CFDP1: variants seen among roughly 807,000 people sequenced by gnomAD.
CFDP1 encodes the protein heterochromatin-stabilizing protein CFDP1.
Under a neutral mutation model 40.1 loss-of-function variants are expected in CFDP1, and 31 were observed. The observed-to-expected ratio is 0.77, with a 90% CI of 0.58 to 1.04. CFDP1 has a LOEUF of 1.04. Ranked by LOEUF, CFDP1 falls within the 50% of genes least tolerant of loss-of-function variation. CFDP1 has a pLI of 0.00. For synonymous variants in CFDP1, 167 were observed against 120.0 expected, an observed-to-expected ratio of 1.39 and a Z score of -2.56; for missense variants, 423 against 343.4, an observed-to-expected ratio of 1.23 and a Z score of -1.83.
In CFDP1 at chr16:75,433,440, G is replaced by C. The variant is rs1459331442; in HGVS notation, c.-88C>G. 11 of 1,369,990 alleles carry C rather than the reference G, an allele frequency of 8.0e-6. No homozygotes were observed. The highest frequency in any genetic ancestry group is 2.0e-6 in the Non-Finnish European group (2 of 995,906). 84.9% of individuals were successfully genotyped at this position (1,369,990 alleles called of 1,614,324 possible). On this transcript the variant is annotated 5_prime_UTR_variant, in exon 1 of 7. Transcript: ENST00000283882. ...CTCTAGGGAGAGACCATAGAGCCCCGGCGGCGGCGACGGCAGCTAGGGCGG... is the reference window on the plus strand; with the variant it reads ...CTCTAGGGAGAGACCATAGAGCCCCCGCGGCGGCGACGGCAGCTAGGGCGG...
Position 75,412,723 on chromosome 16 carries a change from C to T in CFDP1, c.214G>A (p.Glu72Lys). ...GAATTGGCATCCTCCTCTTCCTCTT[C>T]TTCTAATGAGAGGCCACCTTGTCTT... ...KRRQGGLSLE[E>K]EEEEDANSES... The change falls in exon 3 of 7, where the codon GAA becomes AAA. Residue 72 changes from glutamate to lysine, a missense_variant. Transcript: ENST00000283882. 6.2e-7 allele frequency: 1 copy of T among 1,613,820 alleles called. No homozygotes were observed. Among genetic ancestry groups the T allele is most frequent in the South Asian group, 1.1e-5 (1 of 91,078 alleles).
chr16:75,293,874 A>T lies in CFDP1; in HGVS notation c.*78T>A. On this transcript the variant is annotated 3_prime_UTR_variant, in exon 7 of 7. Transcript: ENST00000283882. ...TGCTGGGAAACAGATGATGAGAAAC[A>T]CTGTAAAACATTTCACAGACGCACA... is the stretch of plus-strand genomic sequence containing the variant. 2 of 1,172,356 alleles carry T rather than the reference A, an allele frequency of 1.7e-6. No individual in the cohort carries two copies. 72.6% of individuals were successfully genotyped at this position (1,172,356 alleles called of 1,614,324 possible). A position where few individuals can be genotyped will look rare whatever the true frequency, so the allele number is the denominator to read the frequency against.
At chr16:75,424,397 G>C (rs1453800956) in intron 1 of CFDP1, among the ~76,000 whole-genome samples, 1 of 152,216 alleles carries the variant, frequency 6.6e-6, no homozygotes, top group Non-Finnish European at 1.5e-5. Flanking sequence ...CACGGCATCT[G>C]TGAAAAACCT....
At position 75,312,619 on chromosome 16, in the gene CFDP1, T is replaced by C. The variant is rs186642921; in HGVS notation, c.651-7437A>G. On this transcript the variant is annotated intron_variant, in intron 5 of 6. Transcript: ENST00000283882. ...GTCTAAAACATACCTATTTTAGTGA[T>C]AGAAGTCCTGAATTCTAGTATCTCC... Among the ~76,000 whole-genome samples the C allele has an allele frequency of 1.6e-3, 251 of 152,320 alleles. 2 individuals carry two copies. The South Asian group carries it at 0.022, about 13-fold the overall frequency.
rs569867920 is a variant in CFDP1, at chr16:75,317,673, T to C, written c.651-12491A>G. Among the ~76,000 whole-genome samples the C allele has an allele frequency of 8.8e-4, 134 of 152,254 alleles. 1 individual carries two copies. The highest frequency in any genetic ancestry group is 3.1e-3 in the African/African-American group (129 of 41,548). On this transcript the variant is annotated intron_variant, in intron 5 of 6. Coordinates refer to ENST00000283882, the MANE Select transcript of CFDP1 (RefSeq NM_006324.3). ...TAAATACAGCTTCTAACAAAGACCATAATGACAACTTTATGCAGAACCCTG... is the reference window on the plus strand; with the variant it reads ...TAAATACAGCTTCTAACAAAGACCACAATGACAACTTTATGCAGAACCCTG...
At chr16:75,325,958 C>A (rs1244765735) in intron 5 of CFDP1, among the ~76,000 whole-genome samples, 1 of 152,174 alleles carries the variant, frequency 6.6e-6, no homozygotes, top group Non-Finnish European at 1.5e-5. Context: ...CTCATGAGAG[C>A]CTGCAGAACG....
chr16:75,362,850 G>T (rs889615076), intron 5 of CFDP1: 2 of 152,158 alleles, frequency 1.3e-5, no homozygotes, highest in African/African-American at 4.8e-5. Flanking sequence ...AACCAGAAGC[G>T]AGAGCAGGAG....
intron 4 of CFDP1, among the ~76,000 whole-genome samples, chr16:75,403,938 C>A (rs2079077051): frequency 6.6e-6 from 1 of 151,892 alleles, no homozygotes; most frequent in African/African-American, 2.4e-5. Context: ...TGGAGACCAG[C>A]CTGGCCAACA....
intron 5 of CFDP1, among the ~76,000 whole-genome samples, chr16:75,392,458 A>C (rs1468417061): frequency 3.3e-5 from 5 of 152,218 alleles, no homozygotes; most frequent in Admixed American, 6.5e-5. Context: ...ACCAGGTATA[A>C]GCATATAAGT....
At chr16:75,412,811 C>A (rs914277020) in intron 2 of CFDP1, 57 bp from the exon 3 acceptor site, 4 of 1,363,088 alleles carry the variant, frequency 2.9e-6, no homozygotes, top group Non-Finnish European at 4.2e-6. Flanking sequence ...TTTCAGTTAT[C>A]CCTCTCCCAA....
At chr16:75,397,048 G>A (rs1233161171) in intron 4 of CFDP1, among the ~76,000 whole-genome samples, 1 of 152,012 alleles carries the variant, frequency 6.6e-6, no homozygotes, top group Non-Finnish European at 1.5e-5. Flanking sequence ...CAAGCAGCTG[G>A]GACTACGGGT....
intron 5 of CFDP1, among the ~76,000 whole-genome samples, chr16:75,370,204 T>C (rs1318625674): frequency 6.6e-6 from 1 of 152,052 alleles, no homozygotes; most frequent in Non-Finnish European, 1.5e-5. Context: ...GTGATTCTCC[T>C]GCCTTGGCCT....
intron 5 of CFDP1, chr16:75,321,951 G>T (rs2078366789): frequency 6.6e-6 from 1 of 152,226 alleles, no homozygotes; most frequent in African/African-American, 2.4e-5. Flanking sequence ...AGCCTCCCGA[G>T]TAGCTGGGAC....
At chr16:75,430,609 G>A (rs1453085923) in intron 1 of CFDP1, among the ~76,000 whole-genome samples, 1 of 151,720 alleles carries the variant, frequency 6.6e-6, no homozygotes, top group African/African-American at 2.4e-5. Context: ...GATTACAGGC[G>A]CCCGTCACCA....
At chr16:75,296,446 A>C (rs1190751968) in intron 6 of CFDP1, among the ~76,000 whole-genome samples, 1 of 147,756 alleles carries the variant, frequency 6.8e-6, no homozygotes, top group Non-Finnish European at 1.5e-5. Context: ...CATGTTGCCC[A>C]TGCTGGTCTC....
At chr16:75,423,750 G>C (rs1009421972) in intron 1 of CFDP1, among the ~76,000 whole-genome samples, 3 of 152,164 alleles carry the variant, frequency 2.0e-5, no homozygotes, top group Non-Finnish European at 4.4e-5. Context: ...TCCTGACCTT[G>C]AGATCCGCCC....
At chr16:75,365,269 A>G (rs1357723776) in intron 5 of CFDP1, among the ~76,000 whole-genome samples, 4 of 152,236 alleles carry the variant, frequency 2.6e-5, no homozygotes, top group Admixed American at 2.6e-4. Context: ...ATAGTAATAA[A>G]GCAGCTTTTT....
chr16:75,338,188 T>A (rs529515471), intron 5 of CFDP1, among the ~76,000 whole-genome samples: 10 of 152,212 alleles, frequency 6.6e-5, no homozygotes, highest in African/African-American at 2.4e-4. Context: ...CAATGATGGG[T>A]TACAAAAGAG....
At chr16:75,419,322 C>T (rs1194226018) in intron 1 of CFDP1, 1 of 152,936 alleles carries the variant, frequency 6.5e-6, no homozygotes, top group Non-Finnish European at 1.5e-5. Context: ...AAAATTACTA[C>T]CTATTTTGAA....
Sources: gnomAD v4.1 joint callset for allele counts (sites outside exome capture counted in the v4.1 genomes callset) on GRCh38, gnomAD v4.1.1 for gene constraint, MANE v1.5 for transcripts, NCBI Gene and HGNC (gene_info 2026-07-23, HGNC 2026-07-21) for gene names.